The following ABCG2 variants were observed in gnomAD, a reference collection of about 807,000 sequenced individuals.
ABCG2 encodes the protein ATP binding cassette subfamily G member 2 (JR blood group).
Under a neutral mutation model 73.5 loss-of-function variants are expected in ABCG2, and 80 were observed. That is an observed-to-expected ratio of 1.09 (90% confidence interval 0.91 to 1.31). The LOEUF is 1.31. Ranked by LOEUF, ABCG2 falls within the 50% of genes most tolerant of loss-of-function variation. The pLI is 0.00. For missense variants in ABCG2, 796 were observed against 786.2 expected, an observed-to-expected ratio of 1.01 and a Z score of -0.15; for synonymous variants, 269 against 282.4, an observed-to-expected ratio of 0.95 and a Z score of 0.48.
chr4:88,178,418 G>A (rs904287214), intron 1 of ABCG2, among the ~76,000 whole-genome samples: 2 of 152,156 alleles, frequency 1.3e-5, no homozygotes, highest in Non-Finnish European at 2.9e-5. Flanking sequence ...CGGTACCCAG[G>A]CAGTACTTGT....
chr4:88,137,789 G>A (rs1052664539), intron 2 of ABCG2, among the ~76,000 whole-genome samples: 1 of 152,192 alleles, frequency 6.6e-6, no homozygotes, highest in Non-Finnish European at 1.5e-5. Context: ...AAGAGACAAA[G>A]TGATGAGAAC....
At chr4:88,223,872 A>AT (rs3061244) in intron 1 of ABCG2, 56,860 of 147,908 alleles carry the variant, frequency 0.38, 11,610 homozygotes, top group East Asian at 0.56. Flanking sequence ...CCAGAAAGGC[A>AT]TTTTTTTTTT....
intron 1 of ABCG2, among the ~76,000 whole-genome samples, chr4:88,141,510 A>G (rs1402150554): frequency 1.3e-5 from 2 of 152,204 alleles, no homozygotes; most frequent in African/African-American, 2.4e-5. Flanking sequence ...CTAACAGAGG[A>G]GGAGCCCTGG....
chr4:88,121,835 A>G (rs1724017257), intron 5 of ABCG2, 43 bp from the exon 6 acceptor site: 3 of 1,586,834 alleles, frequency 1.9e-6, no homozygotes, highest in Non-Finnish European at 2.6e-6. Context: ...ACAACCAGTC[A>G]TTATCATTTG....
intron 7 of ABCG2, among the ~76,000 whole-genome samples, chr4:88,115,948 A>G (rs1167482787): frequency 2.6e-5 from 4 of 152,164 alleles, no homozygotes; most frequent in African/African-American, 9.7e-5. Flanking sequence ...TAATACTAGC[A>G]CTTCGGGAGG....
intron 1 of ABCG2, among the ~76,000 whole-genome samples, chr4:88,147,786 T>C (rs1726155452): frequency 6.6e-6 from 1 of 152,186 alleles, no homozygotes. Context: ...GAACTGCCTA[T>C]AAAATTTAGA....
chr4:88,092,275 T>C lies in ABCG2; in HGVS notation c.1927A>G (p.Ile643Val), dbSNP rs368611032. The C allele has an allele frequency of 9.3e-6, 15 of 1,612,442 alleles. No individual in the cohort carries two copies. In the African/African-American group the frequency reaches 1.9e-4, roughly 20 times the overall value. The part of the protein sequence containing the change: ...LACMIVIFLT[I>V]AYLKLLFLKK... ...AGAAATAACAATTTCAGGTAGGCAA[T>C]TGTGAGGAAAATAACAATCATACAA... is the stretch of plus-strand genomic sequence containing the variant. The change falls in exon 16 of 16, where the codon ATT becomes GTT. Residue 643 changes from isoleucine (I) to valine (V), a missense_variant. By Grantham distance (29) the Ile-to-Val change is conservative. Coordinates refer to ENST00000237612, the MANE Select transcript of ABCG2 (RefSeq NM_004827.3).
intron 9 of ABCG2, 44 bp downstream of exon 9, chr4:88,113,259 C>T: frequency 6.3e-7 from 1 of 1,591,138 alleles, no homozygotes; most frequent in Non-Finnish European, 8.5e-7. Context: ...ATAACAGAAC[C>T]ACATTGTTCC....
Position 88,093,503 on chromosome 4 carries a change from CAAAAAAAAAAA to C in ABCG2, c.1820+1063_1820+1073del, listed in dbSNP as rs10533191. On this transcript the variant is annotated intron_variant, in intron 15 of 15. Transcript: ENST00000237612. ...TCGGTGACAGAGCGAGACTCCATTT[CAAAAAAAAAAA>C]AAAAAAAAAAGGAATATCTTCCTCC... Among the ~76,000 whole-genome samples, 168 of 104,974 alleles carry C rather than the reference CAAAAAAAAAAA, an allele frequency of 1.6e-3. 2 individuals carry two copies. The highest frequency in any genetic ancestry group is 2.3e-3 in the Non-Finnish European group (123 of 53,560). The allele number at this position is 104,974 out of a possible 152,430, so 68.9% of individuals were successfully genotyped here.
chr4:88,169,282 G>T (rs1177747725), intron 1 of ABCG2, among the ~76,000 whole-genome samples: 1 of 152,130 alleles, frequency 6.6e-6, no homozygotes, highest in South Asian at 2.1e-4. Context: ...CTGACCTCAT[G>T]ATCCACCCGT....
upstream of ABCG2, chr4:88,158,914 GCCCCT>G: frequency 2.9e-6 from 1 of 345,322 alleles, no homozygotes; most frequent in Non-Finnish European, 5.6e-6. Flanking sequence ...GAACGCAGTG[GCCCCT>G]CCCCAGCGCC....
intron 1 of ABCG2, among the ~76,000 whole-genome samples, chr4:88,199,759 G>A (rs1729079396): frequency 1.3e-5 from 2 of 152,200 alleles, no homozygotes; most frequent in Non-Finnish European, 2.9e-5. Flanking sequence ...CAGCACTTTG[G>A]GAGGCTGAGG....
Position 88,118,223 on chromosome 4 carries a change from G to T in ABCG2, c.727C>A (p.His243Asn). Reference protein sequence around the residue: ...KQGRTIIFSIHQPRYSIFKLF... With the variant: ...KQGRTIIFSINQPRYSIFKLF... ...TTGAAGATGGAATATCGAGGCTGAT[G>T]AATGGAGAAGATGATTGTTCGTCCC... Residue 243 changes from histidine (H) to asparagine (N), a missense_variant, in exon 7 of 16, where the codon CAT becomes AAT. Transcript: ENST00000237612. The T allele has an allele frequency of 6.2e-7, 1 of 1,614,146 alleles. No homozygotes were observed. Among genetic ancestry groups the T allele is most frequent in the Non-Finnish European group, 8.5e-7 (1 of 1,179,998 alleles).
chr4:88,229,676 A>T (rs1022985438), intron 1 of ABCG2, among the ~76,000 whole-genome samples: 9 of 151,798 alleles, frequency 5.9e-5, no homozygotes, highest in Non-Finnish European at 1.3e-4. Flanking sequence ...TTTTCTCCCC[A>T]CTTTTTTCCC....
At chr4:88,198,064 G>C (rs1268894273) in intron 1 of ABCG2, among the ~76,000 whole-genome samples, 1 of 151,034 alleles carries the variant, frequency 6.6e-6, no homozygotes, top group Non-Finnish European at 1.5e-5. Context: ...TTTCCAGCTG[G>C]GCATGGTGGC....
chr4:88,114,230 T>C (rs1448221796), intron 8 of ABCG2, among the ~76,000 whole-genome samples: 1 of 152,210 alleles, frequency 6.6e-6, no homozygotes, highest in Non-Finnish European at 1.5e-5. Flanking sequence ...AGCCTGTCTA[T>C]TGCCATAGTC....
intron 1 of ABCG2, among the ~76,000 whole-genome samples, chr4:88,174,592 A>G (rs183356315): frequency 5.1e-4 from 78 of 152,268 alleles, no homozygotes; most frequent in African/African-American, 1.6e-3. Flanking sequence ...GGGTTTCTCC[A>G]TGTTGGTCAG....
At chr4:88,145,378 T>C (rs904359754) in intron 1 of ABCG2, among the ~76,000 whole-genome samples, 6 of 152,246 alleles carry the variant, frequency 3.9e-5, no homozygotes, top group Admixed American at 1.3e-4. Context: ...TGGGCTTTCA[T>C]GTTATATCCG....
intron 1 of ABCG2, among the ~76,000 whole-genome samples, chr4:88,189,282 C>G (rs2110106059): frequency 6.6e-6 from 1 of 152,102 alleles, no homozygotes; most frequent in South Asian, 2.1e-4. Flanking sequence ...ATGACTCATG[C>G]CCAGGCCAAG....
Sources: gnomAD v4.1 joint callset for allele counts (sites outside exome capture counted in the v4.1 genomes callset) on GRCh38, gnomAD v4.1.1 for gene constraint, MANE v1.5 for transcripts, NCBI Gene and HGNC (gene_info 2026-07-23, HGNC 2026-07-21) for gene names.